Variants in PRKCE observed in about 807,000 individuals in gnomAD.
PRKCE encodes the protein protein kinase C epsilon type.
PRKCE carries 16 observed loss-of-function variants against 85.4 expected under a neutral mutation model. That is an observed-to-expected ratio of 0.19 (90% CI 0.13 to 0.28). The LOEUF (loss-of-function observed/expected upper bound fraction) is 0.28, where lower values mean the gene tolerates loss of function less well. Among genes scored for constraint, PRKCE ranks in the 10% least tolerant of loss-of-function variants. PRKCE has a pLI of 1.00. For missense variants in PRKCE, 573 were observed against 975.2 expected (o/e 0.59, Z 5.49); for synonymous variants, 388 against 371.5 (o/e 1.04, Z -0.51).
At chr2:46,098,306 A>C (rs1670897355) in intron 11 of PRKCE, among the ~76,000 whole-genome samples, 1 of 151,672 alleles carries the variant, frequency 6.6e-6, no homozygotes, top group African/African-American at 2.4e-5. Context: ...TCATCTGTTA[A>C]ATGGGGTTAT....
rs148763286 is a variant in PRKCE at position 45,868,481 on chromosome 2, G to A, written c.412+25418G>A. On this transcript the variant is annotated intron_variant, in intron 2 of 14. Coordinates refer to ENST00000306156, the MANE Select transcript of PRKCE (RefSeq NM_005400.3). ...TCCTGCCACAGGCACCTGCCACCAC[G>A]CCTGGCTAATTTTTGTATTTTTAGT... Among the ~76,000 whole-genome samples the A allele has an allele frequency of 2.3e-3, 345 of 151,176 alleles. 3 individuals carry two copies. The highest frequency in any genetic ancestry group is 8.2e-3 in the African/African-American group (338 of 41,406).
chr2:46,147,362 C>T (rs987740891), intron 12 of PRKCE, among the ~76,000 whole-genome samples: 1 of 152,204 alleles, frequency 6.6e-6, no homozygotes, highest in African/African-American at 2.4e-5. Flanking sequence ...ATACTCAGTT[C>T]CAGTTCCTCT....
intron 1 of PRKCE, among the ~76,000 whole-genome samples, chr2:45,666,729 C>G (rs189394619): frequency 1.3e-5 from 2 of 152,228 alleles, no homozygotes; most frequent in East Asian, 3.9e-4. Flanking sequence ...TGCTTTCTCT[C>G]TTTTCTTTAG....
intron 11 of PRKCE, among the ~76,000 whole-genome samples, chr2:46,099,614 A>C (rs771311141): frequency 6.6e-6 from 1 of 151,534 alleles, no homozygotes; most frequent in Admixed American, 6.6e-5. Flanking sequence ...CCCTGTTAAC[A>C]TTGCATCTGC....
At chr2:46,119,350 T>A (rs1268184178) in intron 11 of PRKCE, among the ~76,000 whole-genome samples, 3 of 152,170 alleles carry the variant, frequency 2.0e-5, no homozygotes, top group Non-Finnish European at 4.4e-5. Context: ...CTTGGGCTAT[T>A]AGTTCTTTTT....
At chr2:46,069,829 T>C (rs1473592214) in intron 10 of PRKCE, among the ~76,000 whole-genome samples, 2 of 152,234 alleles carry the variant, frequency 1.3e-5, no homozygotes, top group Non-Finnish European at 2.9e-5. Flanking sequence ...CTTTAAATAG[T>C]TCCAGATTGG....
At chr2:46,091,207 A>T (rs1160862347) in intron 11 of PRKCE, among the ~76,000 whole-genome samples, 2 of 151,986 alleles carry the variant, frequency 1.3e-5, no homozygotes, top group Admixed American at 1.3e-4. Context: ...GCATTAGATC[A>T]CCTGTTTCCA....
intron 1 of PRKCE, among the ~76,000 whole-genome samples, chr2:45,687,270 A>G (rs1677369957): frequency 6.6e-6 from 1 of 152,228 alleles, no homozygotes; most frequent in Non-Finnish European, 1.5e-5. Context: ...ATTAGTAAGA[A>G]AAGATCAATA....
At chr2:45,829,933 C>T (rs903110564) in intron 1 of PRKCE, among the ~76,000 whole-genome samples, 2 of 151,392 alleles carry the variant, frequency 1.3e-5, no homozygotes, top group Non-Finnish European at 2.9e-5. Context: ...ATTAGCCGGG[C>T]GTGGTAGCGG....
chr2:46,081,586 G>C (rs189916198), intron 10 of PRKCE, among the ~76,000 whole-genome samples: 5 of 152,354 alleles, frequency 3.3e-5, no homozygotes, highest in Non-Finnish European at 7.3e-5. Flanking sequence ...GTCAGGGGCA[G>C]CTTCCTGGGA....
At chr2:45,822,506 C>A (rs923556748) in intron 1 of PRKCE, among the ~76,000 whole-genome samples, 1 of 152,230 alleles carries the variant, frequency 6.6e-6, no homozygotes, top group Admixed American at 6.5e-5. Flanking sequence ...GATGTGGACA[C>A]AAGGGTAACT....
chr2:46,146,570 T>C (rs1676089424), intron 12 of PRKCE, among the ~76,000 whole-genome samples: 1 of 152,184 alleles, frequency 6.6e-6, no homozygotes, highest in Non-Finnish European at 1.5e-5. Flanking sequence ...AGAATGAGGA[T>C]TTCCTTTGAC....
At chr2:45,712,629 A>C (rs1162347405) in intron 1 of PRKCE, among the ~76,000 whole-genome samples, 1 of 152,132 alleles carries the variant, frequency 6.6e-6, no homozygotes, top group South Asian at 2.1e-4. Flanking sequence ...CATTCCCTCT[A>C]TGATCTGCTA....
chr2:45,952,080 G>A (rs576758773), intron 2 of PRKCE, among the ~76,000 whole-genome samples: 4 of 152,162 alleles, frequency 2.6e-5, no homozygotes, highest in Non-Finnish European at 4.4e-5. Flanking sequence ...TGATCTACCC[G>A]CCTCGGCCTC....
chr2:45,799,969 C>T (rs1687730166), intron 1 of PRKCE, among the ~76,000 whole-genome samples: 1 of 152,152 alleles, frequency 6.6e-6, no homozygotes, highest in South Asian at 2.1e-4. Flanking sequence ...ACAAAGAAAG[C>T]CTGGATTTGA....
intron 12 of PRKCE, among the ~76,000 whole-genome samples, chr2:46,148,029 G>C (rs2104506224): frequency 6.6e-6 from 1 of 152,342 alleles, no homozygotes; most frequent in South Asian, 2.1e-4. Flanking sequence ...AAATGGGAGA[G>C]GTGGTAAGGT....
intron 2 of PRKCE, among the ~76,000 whole-genome samples, chr2:45,912,255 G>C (rs1463023262): frequency 6.6e-6 from 1 of 152,190 alleles, no homozygotes; most frequent in Admixed American, 6.5e-5. Flanking sequence ...ACAGAGTTGA[G>C]ATAAGGGGTC....
chr2:45,997,950 T>C (rs1704354588), intron 6 of PRKCE, among the ~76,000 whole-genome samples: 1 of 152,238 alleles, frequency 6.6e-6, no homozygotes, highest in Non-Finnish European at 1.5e-5. Flanking sequence ...CCAAGTATTT[T>C]GGAATTTTTG....
intron 6 of PRKCE, among the ~76,000 whole-genome samples, chr2:45,991,995 C>T (rs866587698): frequency 6.6e-6 from 1 of 150,782 alleles, no homozygotes; most frequent in African/African-American, 2.5e-5. Context: ...CTGATTTGTG[C>T]AAGGCGTCGT....
Sources: gnomAD v4.1 joint callset for allele counts (sites outside exome capture counted in the v4.1 genomes callset) on GRCh38, gnomAD v4.1.1 for gene constraint, MANE v1.5 for transcripts, NCBI Gene and HGNC (gene_info 2026-07-23, HGNC 2026-07-21) for gene names.